The following KANSL1L variants were observed in gnomAD, a reference collection of about 807,000 sequenced individuals.
KANSL1L encodes KAT8 regulatory NSL complex subunit 1 like, also known as KAT8 regulatory NSL complex subunit 1-like protein.
A neutral mutation model predicts 108.6 loss-of-function variants in KANSL1L; 25 were observed. The ratio of observed to expected loss-of-function variants is 0.23; its 90% CI spans 0.17 to 0.32. The LOEUF is 0.32. KANSL1L is among the 10% of genes least tolerant of loss of function. The pLI, the probability that KANSL1L is intolerant of heterozygous loss-of-function variation, is 1.00. For synonymous variants in KANSL1L, 405 were observed against 395.1 expected (o/e 1.03, Z -0.30); for missense variants, 1,137 against 1,125.7 (o/e 1.01, Z -0.14).
intron 7 of KANSL1L, among the ~76,000 whole-genome samples, chr2:210,041,761 A>T (rs1237718963): frequency 1.3e-5 from 2 of 152,184 alleles, no homozygotes; most frequent in Non-Finnish European, 2.9e-5. Context: ...TTTTAAACAG[A>T]AAAAAATGAT....
chr2:210,024,773 C>T (rs894933143), intron 13 of KANSL1L, among the ~76,000 whole-genome samples: 1 of 152,100 alleles, frequency 6.6e-6, no homozygotes, highest in African/African-American at 2.4e-5. Context: ...TACCTAAACT[C>T]CAGTCCCCAG....
In KANSL1L at chr2:210,021,479, AC is replaced by A. The variant is rs1388921523; in HGVS notation, c.*1469del. 4 of 152,596 alleles carry A rather than the reference AC, an allele frequency of 2.6e-5. No homozygotes were observed. Among genetic ancestry groups the A allele is most frequent in the African/African-American group, 9.6e-5 (4 of 41,456 alleles). The allele number at this position is 152,596 out of a possible 1,614,324, so 9.5% of individuals were successfully genotyped here. ...ATAGAAGATTATAATATCAGACGTG[AC>A]AAAGATTTGAGTTTATTTGCCTGGA... On this transcript the variant is annotated 3_prime_UTR_variant, in exon 15 of 15. Coordinates refer to ENST00000281772, the MANE Select transcript of KANSL1L (RefSeq NM_152519.4).
chr2:210,028,817 A>G, intron 11 of KANSL1L, 28 bp downstream of exon 11: 2 of 1,475,794 alleles, frequency 1.4e-6, no homozygotes, highest in Non-Finnish European at 9.2e-7. Flanking sequence ...AGGAAGGAAG[A>G]AAAATATGAA....
At chr2:210,070,649 C>T (rs2094500981) in intron 6 of KANSL1L, among the ~76,000 whole-genome samples, 1 of 152,142 alleles carries the variant, frequency 6.6e-6, no homozygotes, top group African/African-American at 2.4e-5. Flanking sequence ...AAAATGTCCA[C>T]TGTATTAGTT....
intron 3 of KANSL1L, among the ~76,000 whole-genome samples, chr2:210,116,823 G>A (rs2125487958): frequency 6.6e-6 from 1 of 152,248 alleles, no homozygotes; most frequent in South Asian, 2.1e-4. Context: ...ACTTTTCAAT[G>A]TCCAGACACA....
chr2:210,123,910 G>A (rs1249507166), intron 3 of KANSL1L, among the ~76,000 whole-genome samples: 1 of 151,514 alleles, frequency 6.6e-6, no homozygotes, highest in African/African-American at 2.4e-5. Context: ...GCAATATAAA[G>A]CTTTTCTTCT....
intron 3 of KANSL1L, among the ~76,000 whole-genome samples, chr2:210,117,910 T>A (rs2094970458): frequency 6.6e-6 from 1 of 152,128 alleles, no homozygotes; most frequent in Non-Finnish European, 1.5e-5. Flanking sequence ...ATGCCCGTAA[T>A]CTCAGCACTT....
chr2:210,107,066 A>C (rs1406094774), intron 3 of KANSL1L, among the ~76,000 whole-genome samples: 2 of 152,204 alleles, frequency 1.3e-5, no homozygotes, highest in Non-Finnish European at 2.9e-5. Context: ...ACAACAACTG[A>C]AACAAGTCAA....
chr2:210,022,407 T>G lies in KANSL1L; in HGVS notation c.*542A>C, dbSNP rs2093873253. The stretch of plus-strand genomic sequence containing the variant: ...GTTTTATCTATTCTGCAGCTTACAT[T>G]TCATAGGGTAGTTCATACATGCATT... On this transcript the variant is annotated 3_prime_UTR_variant, in exon 15 of 15. Coordinates refer to ENST00000281772, the MANE Select transcript of KANSL1L (RefSeq NM_152519.4). The G allele has an allele frequency of 6.5e-6, 1 of 152,998 alleles. No homozygotes were observed. The highest frequency in any genetic ancestry group is 6.5e-5 in the Admixed American group (1 of 15,304). 9.5% of individuals were successfully genotyped at this position (152,998 alleles called of 1,614,324 possible).
In KANSL1L at chr2:210,154,150, A is replaced by C; in HGVS notation, c.433T>G (p.Cys145Gly). 1 of 1,614,090 alleles carries C rather than the reference A, an allele frequency of 6.2e-7. No individual in the cohort carries two copies. The highest frequency in any genetic ancestry group is 8.5e-7 in the Non-Finnish European group (1 of 1,179,974). The part of the protein sequence containing the change: ...KEPLSDTTSQ[C>G]MKDVQIILDS... The stretch of plus-strand genomic sequence containing the variant: ...AGAATAATTTGTACATCTTTCATGC[A>C]CTGGCTCGTGGTATCTGATAGAGGC... The change falls in exon 2 of 15, where the codon TGC (cysteine) becomes GGC (glycine). Residue 145 changes from cysteine to glycine, a missense_variant. Coordinates refer to ENST00000281772, the MANE Select transcript of KANSL1L (RefSeq NM_152519.4).
Position 210,023,729 on chromosome 2 carries a change from CA to C in KANSL1L, c.2733+303del, listed in dbSNP as rs1402767389. Among the ~76,000 whole-genome samples the C allele has an allele frequency of 5.9e-5, 9 of 152,168 alleles. No homozygotes were observed. The East Asian group carries it at 1.5e-3, about 26-fold the overall frequency. ...TTAAGATATGAGGAGAAAGAAATAG[CA>C]GCTAACTTTGGCCATGTAGCAGGTG... On this transcript the variant is annotated intron_variant, in intron 14 of 14. Coordinates refer to ENST00000281772, the MANE Select transcript of KANSL1L (RefSeq NM_152519.4).
At chr2:210,140,248 T>C (rs1421086577) in intron 2 of KANSL1L, among the ~76,000 whole-genome samples, 1 of 152,208 alleles carries the variant, frequency 6.6e-6, no homozygotes, top group Non-Finnish European at 1.5e-5. Flanking sequence ...ATCCAAAAAA[T>C]ATTTGCCAAC....
At position 210,154,104 on chromosome 2, in the gene KANSL1L, T is replaced by C; in HGVS notation, c.479A>G (p.Asp160Gly). The C allele has an allele frequency of 6.2e-7, 1 of 1,614,032 alleles. No homozygotes were observed. The highest frequency in any genetic ancestry group is 1.3e-5 in the African/African-American group (1 of 75,056). ...TAGTTGTACTTTATCTACATTAGTG[T>C]CTTTGGTTATATTTGAATCCAGAAT... The part of the protein sequence containing the change: ...QIILDSNITK[D>G]TNVDKVQLQN... Residue 160 changes from aspartate to glycine, a missense_variant, in exon 2 of 15, where the codon GAC becomes GGC. This residue lies in a region of KANSL1L where 556 missense variants were observed against 537.7 expected (regional missense o/e 1.03). Transcript: ENST00000281772.
Position 210,153,681 on chromosome 2 carries a change from GCAGT to G in KANSL1L, c.898_901del (p.Thr300GlnfsTer73). ...TGCATCATCCCACAATTTATTCTCT[GCAGT>G]CAATGTGTTAACTTCTGGCTTAATT... On this transcript the variant is annotated frameshift_variant, in exon 2 of 15. Transcript: ENST00000281772. LOFTEE classifies it high-confidence loss of function. 2.5e-6 allele frequency: 4 copies of G among 1,608,582 alleles called. No homozygotes were observed. The highest frequency in any genetic ancestry group is 3.4e-6 in the Non-Finnish European group (4 of 1,177,520).
intron 6 of KANSL1L, among the ~76,000 whole-genome samples, chr2:210,070,159 A>G (rs997454121): frequency 5.4e-5 from 8 of 148,032 alleles, no homozygotes; most frequent in Non-Finnish European, 7.4e-5. Flanking sequence ...TTGTGGAAGC[A>G]TAACTCAAAT....
At chr2:210,099,869 A>G (rs2094776075) in intron 4 of KANSL1L, among the ~76,000 whole-genome samples, 1 of 152,258 alleles carries the variant, frequency 6.6e-6, no homozygotes, top group Non-Finnish European at 1.5e-5. Flanking sequence ...GAAAATGTGA[A>G]TAAGAAAAGT....
intron 3 of KANSL1L, among the ~76,000 whole-genome samples, chr2:210,118,773 G>A (rs563775890): frequency 1.3e-5 from 2 of 151,894 alleles, no homozygotes; most frequent in Non-Finnish European, 2.9e-5. Flanking sequence ...GAGCCCAGGA[G>A]GTTGAGGCTG....
intron 5 of KANSL1L, among the ~76,000 whole-genome samples, chr2:210,078,874 C>T (rs2094560477): frequency 6.6e-6 from 1 of 152,054 alleles, no homozygotes; most frequent in African/African-American, 2.4e-5. Flanking sequence ...ACAAGGATAT[C>T]ATTAATAAAT....
rs928023322 is a variant in KANSL1L at position 210,022,502 on chromosome 2, T to C, written c.*447A>G. ...GGGTGTGTGTGTGTGTGTATGTTTA[T>C]TTTATACACACATATTTGTATATTC... On this transcript the variant is annotated 3_prime_UTR_variant, in exon 15 of 15. Coordinates refer to ENST00000281772, the MANE Select transcript of KANSL1L (RefSeq NM_152519.4). 4.3e-5 allele frequency: 7 copies of C among 164,582 alleles called. No individual in the cohort carries two copies. The highest frequency in any genetic ancestry group is 1.8e-4 in the Admixed American group (3 of 17,074). 10.2% of individuals were successfully genotyped at this position (164,582 alleles called of 1,614,324 possible). A position where few individuals can be genotyped will look rare whatever the true frequency, so the allele number is the denominator to read the frequency against.
Sources: gnomAD v4.1 joint callset for allele counts (sites outside exome capture counted in the v4.1 genomes callset) on GRCh38, gnomAD v4.1.1 for gene constraint, gnomAD v4.1.1 regional missense constraint, MANE v1.5 for transcripts, NCBI Gene and HGNC (gene_info 2026-07-23, HGNC 2026-07-21) for gene names.